KIF20B: variants seen among roughly 807,000 people sequenced by gnomAD.
The protein encoded by KIF20B is kinesin-like protein KIF20B.
Under a neutral mutation model 232.5 loss-of-function variants are expected in KIF20B, and 188 were observed. That is an observed-to-expected ratio of 0.81 (90% CI 0.72 to 0.91). KIF20B has a LOEUF of 0.91. Among genes scored for constraint, KIF20B ranks in the 40% least tolerant of loss-of-function variants. The pLI is 0.00. For synonymous variants in KIF20B, 712 were observed against 683.0 expected, an observed-to-expected ratio of 1.04 and a Z score of -0.66; for missense variants, 2,154 against 2,055.9, an observed-to-expected ratio of 1.05 and a Z score of -0.92.
At chr10:89,719,209 G>C (rs1189273266) in intron 12 of KIF20B, among the ~76,000 whole-genome samples, 1 of 152,192 alleles carries the variant, frequency 6.6e-6, no homozygotes, top group Non-Finnish European at 1.5e-5. Flanking sequence ...AGCCCAGGAA[G>C]ATAGATTTTT....
chr10:89,717,942 A>AT (rs939804249), intron 11 of KIF20B, among the ~76,000 whole-genome samples: 4 of 152,222 alleles, frequency 2.6e-5, no homozygotes, highest in African/African-American at 9.6e-5. Context: ...AGTATTTTCC[A>AT]TGGCAAATCT....
Position 89,738,985 on chromosome 10 carries a change from T to C in KIF20B, c.3804T>C (p.Ser1268=). 1 of 1,613,076 alleles carries C rather than the reference T, an allele frequency of 6.2e-7. No individual in the cohort carries two copies. Among genetic ancestry groups the C allele is most frequent in the Non-Finnish European group, 8.5e-7 (1 of 1,179,530 alleles). ...TGAAAGAGGAACTCTCTGCAAGCTC[T>C]GCTCGTACCCAGAATCTGAAAGCAG... ...EKLKEELSAS[S]ARTQNLKADL... The change falls in exon 21 of 33, where the codon TCT becomes TCC. Residue 1268 remains serine (S), a synonymous_variant. Coordinates refer to ENST00000371728, the MANE Select transcript of KIF20B (RefSeq NM_001284259.2).
At chr10:89,729,021 CTTTAAAA>C in intron 17 of KIF20B, 100 bp from the exon 18 acceptor site, 1 of 1,025,278 alleles carries the variant, frequency 9.8e-7, no homozygotes, top group African/African-American at 1.7e-5. Flanking sequence ...CTTTATTTAA[CTTTAAAA>C]TTTGAAGGAA....
At chr10:89,771,583 T>C (rs1230475603) in intron 31 of KIF20B, among the ~76,000 whole-genome samples, 3 of 152,056 alleles carry the variant, frequency 2.0e-5, no homozygotes, top group African/African-American at 7.2e-5. Context: ...TATTTGCATA[T>C]TTAGCCTGAG....
chr10:89,741,304 G>T (rs527307576), intron 21 of KIF20B, among the ~76,000 whole-genome samples: 1 of 152,264 alleles, frequency 6.6e-6, no homozygotes, highest in African/African-American at 2.4e-5. Flanking sequence ...ATGGGGAGTG[G>T]CTGTAAATAC....
chr10:89,759,347 A>G (rs772902369), intron 27 of KIF20B, among the ~76,000 whole-genome samples: 24 of 152,088 alleles, frequency 1.6e-4, no homozygotes, highest in Non-Finnish European at 3.4e-4. Flanking sequence ...TTACTTTTAT[A>G]TTACCTTGAG....
At chr10:89,745,050 T>C (rs1841881089) in intron 22 of KIF20B, among the ~76,000 whole-genome samples, 1 of 152,216 alleles carries the variant, frequency 6.6e-6, no homozygotes, top group Non-Finnish European at 1.5e-5. Context: ...GGTGGAGAGC[T>C]CTTTTTTCCT....
rs768871419 is a variant in KIF20B at position 89,751,465 on chromosome 10, G to C, written c.4216G>C (p.Ala1406Pro). ...EAKLEEVERL[A>P]TELEKWKEKC... ...TAAATTAGAGGAAGTTGAAAGGCTGGCCACAGGTAAAACAAGATTGCTTAC... is the reference window on the plus strand; with the variant it reads ...TAAATTAGAGGAAGTTGAAAGGCTGCCCACAGGTAAAACAAGATTGCTTAC... The change falls in exon 24 of 33, where the codon GCC (alanine) becomes CCC (proline). Residue 1406 changes from alanine (A) to proline (P), a missense_variant. Ala to Pro is a conservative substitution (Grantham distance 27). Transcript: ENST00000371728. The C allele has an allele frequency of 6.2e-7, 1 of 1,601,962 alleles. No individual in the cohort carries two copies. The highest frequency in any genetic ancestry group is 2.3e-5 in the East Asian group (1 of 44,364).
Position 89,737,882 on chromosome 10 carries a change from A to G in KIF20B, c.3041A>G (p.Asn1014Ser), listed in dbSNP as rs2133127403. The G allele has an allele frequency of 6.2e-7, 1 of 1,613,540 alleles. No individual in the cohort carries two copies. Among genetic ancestry groups the G allele is most frequent in the Middle Eastern group, 1.7e-4 (1 of 6,056 alleles). ...TTGCTCAATCTCAGGGATCTGTCAAATGGTTCTGAGGAGGATAATTTGCCA... is the reference window on the plus strand; with the variant it reads ...TTGCTCAATCTCAGGGATCTGTCAAGTGGTTCTGAGGAGGATAATTTGCCA... The part of the protein sequence containing the change: ...IDLLNLRDLS[N>S]GSEEDNLPNT... Residue 1014 changes from asparagine (N) to serine (S), a missense_variant, in exon 20 of 33, where the codon AAT (asparagine) becomes AGT (serine). Transcript: ENST00000371728.
At chr10:89,732,043 C>T (rs1269346646) in intron 18 of KIF20B, among the ~76,000 whole-genome samples, 1 of 152,116 alleles carries the variant, frequency 6.6e-6, no homozygotes, top group East Asian at 1.9e-4. Flanking sequence ...TATAGACTTG[C>T]GCTTAAATGC....
intron 23 of KIF20B, among the ~76,000 whole-genome samples, chr10:89,748,655 T>C (rs1353828904): frequency 2.0e-5 from 3 of 152,202 alleles, no homozygotes; most frequent in Non-Finnish European, 2.9e-5. Flanking sequence ...TCCTATTTCA[T>C]AGGAAATAGT....
In KIF20B at chr10:89,709,233, G is replaced by C. The variant is rs747721266; in HGVS notation, c.214G>C (p.Glu72Gln). The C allele has an allele frequency of 6.2e-7, 1 of 1,609,978 alleles. No homozygotes were observed. Among genetic ancestry groups the C allele is most frequent in the East Asian group, 2.2e-5 (1 of 44,786 alleles). ...TCGAATAAGACCATTTACACAGTCA[G>C]AAAAAGAACTTGAGTCTGAGGTTTG... is the stretch of plus-strand genomic sequence containing the variant. ...CLRIRPFTQS[E>Q]KELESEGCVH... Residue 72 changes from glutamate to glutamine, a missense_variant, in exon 3 of 33, where the codon GAA becomes CAA. Physicochemically the swap from Glu to Gln is conservative, Grantham distance 29. Coordinates refer to ENST00000371728, the MANE Select transcript of KIF20B (RefSeq NM_001284259.2).
At chr10:89,772,618 A>T in intron 31 of KIF20B, 71 bp from the exon 32 acceptor site, 1 of 944,154 alleles carries the variant, frequency 1.1e-6, no homozygotes, top group Non-Finnish European at 1.6e-6. Flanking sequence ...AACCATCTTT[A>T]TTAAGGATTT....
chr10:89,755,682 C>T (rs1842106998), intron 26 of KIF20B, among the ~76,000 whole-genome samples: 1 of 151,998 alleles, frequency 6.6e-6, no homozygotes, highest in Non-Finnish European at 1.5e-5. Context: ...CCGCCTCAGA[C>T]TTCAGGGCAA....
chr10:89,702,325 C>T, intron 1 of KIF20B, among the ~76,000 whole-genome samples: 1 of 152,238 alleles, frequency 6.6e-6, no homozygotes, highest in East Asian at 1.9e-4. Flanking sequence ...ACAGTGACTG[C>T]TGTCATTCCC....
At position 89,738,428 on chromosome 10, in the gene KIF20B, A is replaced by T; in HGVS notation, c.3587A>T (p.Lys1196Met). ...TTGGAAAAGGAATCTATCATCTTAA[A>T]GCTAGAAAGAAATTTGAAGGAATTT... The part of the protein sequence containing the change: ...DILEKESIIL[K>M]LERNLKEFQE... Residue 1196 changes from lysine to methionine, a missense_variant, in exon 20 of 33, where the codon AAG (lysine) becomes ATG (methionine). By Grantham distance (95) the Lys-to-Met change is moderately conservative. Coordinates refer to ENST00000371728, the MANE Select transcript of KIF20B (RefSeq NM_001284259.2). 6.2e-7 allele frequency: 1 copy of T among 1,603,180 alleles called. No homozygotes were observed. Among genetic ancestry groups the T allele is most frequent in the South Asian group, 1.1e-5 (1 of 87,426 alleles).
chr10:89,729,793 A>G (rs1049833239), intron 18 of KIF20B, among the ~76,000 whole-genome samples: 2 of 152,250 alleles, frequency 1.3e-5, no homozygotes, highest in African/African-American at 2.4e-5. Flanking sequence ...AGTTCAGCTT[A>G]GAATGATCAG....
rs1843188238 is a variant in KIF20B, at chr10:89,726,416, G to A, written c.2125G>A (p.Ala709Thr). Residue 709 changes from alanine to threonine, a missense_variant, in exon 16 of 33, where the codon GCT becomes ACT. Coordinates refer to ENST00000371728, the MANE Select transcript of KIF20B (RefSeq NM_001284259.2). ...YIASLPDPQEATACLELKFNQ... is the reference protein window; with the variant it reads ...YIASLPDPQETTACLELKFNQ... ...TGCATCTCTTCCTGACCCCCAGGAA[G>A]CTACTGCTTGTTTAGAACTAAAGTT... 4 of 1,597,210 alleles carry A rather than the reference G, an allele frequency of 2.5e-6. No homozygotes were observed. The highest frequency in any genetic ancestry group is 2.3e-5 in the East Asian group (1 of 43,952).
chr10:89,717,549 T>TA (rs755658196), intron 10 of KIF20B, 27 bp from the exon 11 acceptor site: 1 of 1,596,068 alleles, frequency 6.3e-7, no homozygotes, highest in South Asian at 1.1e-5. Flanking sequence ...GAAGAACTTT[T>TA]AAAGTACTTT....
Sources: allele counts gnomAD v4.1 joint callset (sites outside exome capture counted in the v4.1 genomes callset), GRCh38; gene constraint gnomAD v4.1.1; transcripts MANE v1.5; gene names NCBI Gene and HGNC (gene_info 2026-07-23, HGNC 2026-07-21).